Variants in MUSK observed in about 807,000 individuals in gnomAD.
MUSK encodes the protein muscle associated receptor tyrosine kinase, also known as muscle, skeletal receptor tyrosine-protein kinase.
A neutral mutation model predicts 88.7 loss-of-function variants in MUSK; 55 were observed. That is an observed-to-expected ratio of 0.62 (90% CI 0.50 to 0.78). The LOEUF (loss-of-function observed/expected upper bound fraction) is 0.78. MUSK is among the 30% of genes least tolerant of loss of function. MUSK has a pLI of 0.00. For missense variants in MUSK, 1,015 were observed against 1,074.3 expected (o/e 0.94, Z 0.77); for synonymous variants, 387 against 391.9 (o/e 0.99, Z 0.15).
chr9:110,750,794 C>T (rs1026907202), intron 7 of MUSK, among the ~76,000 whole-genome samples: 11 of 152,186 alleles, frequency 7.2e-5, no homozygotes, highest in Non-Finnish European at 1.3e-4. Context: ...GGGTGTTTTA[C>T]TTATAGCATC....
In MUSK at chr9:110,781,311, C is replaced by G. The variant is rs756265694; in HGVS notation, c.1385-3504C>G. 1.5e-4 allele frequency among the ~76,000 whole-genome samples: 23 copies of G among 151,836 alleles called. 1 individual carries two copies. The highest frequency in any genetic ancestry group is 2.1e-4 in the South Asian group (1 of 4,830). ...GTTTTGTTTGAGACGGAGTCTCACT[C>G]TGTCGCCCAGGCTGGAGTGCAGTGG... On this transcript the variant is annotated intron_variant, in intron 11 of 14. Coordinates refer to ENST00000374448, the MANE Select transcript of MUSK (RefSeq NM_005592.4).
intron 9 of MUSK, among the ~76,000 whole-genome samples, chr9:110,771,161 C>CTTTTTTTTT (rs34185224): frequency 3.0e-4 from 29 of 96,434 alleles, no homozygotes; most frequent in South Asian, 8.0e-4. Context: ...TCATTTCCTT[C>CTTTTTTTTT]TTTTTTTTTT....
rs200787064 is a variant in MUSK at position 110,785,633 on chromosome 9, T to A, written c.1693T>A (p.Leu565Met). 8 of 1,613,190 alleles carry A rather than the reference T, an allele frequency of 5.0e-6. No individual in the cohort carries two copies. Among genetic ancestry groups the A allele is most frequent in the Non-Finnish European group, 6.8e-6 (8 of 1,179,624 alleles). ...QRMPLLLNPK[L>M]LSLEYPRNNI... ...GATGCCGCTCCTTCTGAACCCCAAATTGCTCAGCCTGGAGTATCCAAGGAA... is the reference window on the plus strand; with the variant it reads ...GATGCCGCTCCTTCTGAACCCCAAAATGCTCAGCCTGGAGTATCCAAGGAA... Residue 565 changes from leucine to methionine, a missense_variant, in exon 13 of 15, where the codon TTG becomes ATG. Coordinates refer to ENST00000374448, the MANE Select transcript of MUSK (RefSeq NM_005592.4).
At chr9:110,759,598 A>G (rs1390855819) in intron 7 of MUSK, among the ~76,000 whole-genome samples, 1 of 152,236 alleles carries the variant, frequency 6.6e-6, no homozygotes, top group African/African-American at 2.4e-5. Context: ...ATATTTCAGA[A>G]TCTACAGGGA....
At chr9:110,673,209 C>G (rs2075982883) in intron 1 of MUSK, among the ~76,000 whole-genome samples, 2 of 152,170 alleles carry the variant, frequency 1.3e-5, no homozygotes, top group Non-Finnish European at 2.9e-5. Context: ...TACATCTTCT[C>G]TTATCCATCT....
chr9:110,696,864 G>T (rs2131718689), intron 4 of MUSK, among the ~76,000 whole-genome samples: 1 of 151,800 alleles, frequency 6.6e-6, no homozygotes, highest in South Asian at 2.1e-4. Context: ...CTGTATAGTG[G>T]CCAAGTCTGA....
chr9:110,759,511 G>C (rs1435688432), intron 7 of MUSK, among the ~76,000 whole-genome samples: 3 of 152,100 alleles, frequency 2.0e-5, no homozygotes, highest in African/African-American at 7.2e-5. Flanking sequence ...CATAGCAAAA[G>C]AAACTATCAA....
intron 11 of MUSK, among the ~76,000 whole-genome samples, 181 bp downstream of exon 11, chr9:110,776,836 C>T (rs369879363): frequency 4.6e-5 from 7 of 152,248 alleles, no homozygotes; most frequent in African/African-American, 1.7e-4. Flanking sequence ...CAGTTTATAA[C>T]TTTTAATTAG....
intron 5 of MUSK, among the ~76,000 whole-genome samples, chr9:110,707,307 T>G (rs957083185): frequency 6.6e-6 from 1 of 152,210 alleles, no homozygotes; most frequent in African/African-American, 2.4e-5. Flanking sequence ...ATAAGATTTT[T>G]TAAACATTGC....
rs2077664903 is a variant in MUSK at position 110,775,946 on chromosome 9, C to T, written c.1343C>T (p.Ala448Val). The change falls in exon 10 of 15, where the codon GCC (alanine) becomes GTC (valine). Residue 448 changes from alanine to valine, a missense_variant. Ala to Val is a moderately conservative substitution (Grantham distance 64). Coordinates refer to ENST00000374448, the MANE Select transcript of MUSK (RefSeq NM_005592.4). Reference protein sequence around the residue: ...PSMHWDPTACARLPHLDYNKE... With the variant: ...PSMHWDPTACVRLPHLDYNKE... ...ATGCATTGGGACCCCACGGCCTGTGCCAGACTGCCACATCTAGGTAACACA... is the reference window on the plus strand; with the variant it reads ...ATGCATTGGGACCCCACGGCCTGTGTCAGACTGCCACATCTAGGTAACACA... 2 of 1,612,824 alleles carry T rather than the reference C, an allele frequency of 1.2e-6. No homozygotes were observed. Among genetic ancestry groups the T allele is most frequent in the African/African-American group, 1.3e-5 (1 of 75,032 alleles).
intron 5 of MUSK, among the ~76,000 whole-genome samples, chr9:110,722,097 T>C (rs2076819770): frequency 6.6e-6 from 1 of 152,110 alleles, no homozygotes; most frequent in Non-Finnish European, 1.5e-5. Flanking sequence ...CAACTCAAGA[T>C]AGATCAAGGA....
intron 5 of MUSK, among the ~76,000 whole-genome samples, chr9:110,709,928 T>C (rs2076646915): frequency 6.6e-6 from 1 of 152,100 alleles, no homozygotes; most frequent in East Asian, 1.9e-4. Context: ...GAGGATTGCT[T>C]GAGGCCAGGA....
intron 5 of MUSK, among the ~76,000 whole-genome samples, chr9:110,726,188 A>G (rs7036527): frequency 0.38 from 57,620 of 151,814 alleles, 11,484 homozygotes; most frequent in Non-Finnish European, 0.44. Flanking sequence ...TCTATAACTG[A>G]AACTATAATT....
intron 12 of MUSK, 50 bp from the exon 13 acceptor site, chr9:110,785,477 A>C (rs781765747): frequency 4.1e-6 from 6 of 1,460,772 alleles, no homozygotes; most frequent in Non-Finnish European, 5.5e-6. Context: ...AAGTACAAAG[A>C]TCTAACCTGC....
chr9:110,787,211 A>T (rs957866087), intron 13 of MUSK, among the ~76,000 whole-genome samples: 1 of 151,812 alleles, frequency 6.6e-6, no homozygotes. Context: ...AAATACAAAA[A>T]ATTAGCCAGG....
In MUSK at chr9:110,784,831, G is replaced by T. The variant is rs761610023; in HGVS notation, c.1401G>T (p.Thr467=). 4.5e-5 allele frequency: 72 copies of T among 1,610,164 alleles called. No homozygotes were observed. The highest frequency in any genetic ancestry group is 6.0e-5 in the Non-Finnish European group (71 of 1,177,996). ...KENLKTFPPM[T]SSKPSVDIPN... is the part of the protein sequence containing the mutation. ...TACTTACAGCATTCCCACCAATGACGTCCTCAAAGCCAAGTGTGGACATTC... is the reference window on the plus strand; with the variant it reads ...TACTTACAGCATTCCCACCAATGACTTCCTCAAAGCCAAGTGTGGACATTC... Residue 467 remains threonine (T), a synonymous_variant, in exon 12 of 15, where the codon ACG becomes ACT. Transcript: ENST00000374448.
intron 3 of MUSK, 120 bp from the exon 4 acceptor site, chr9:110,695,283 A>T: frequency 1.4e-6 from 1 of 695,402 alleles, no homozygotes; most frequent in Non-Finnish European, 2.2e-6. Context: ...TGAATTTTGT[A>T]ATGTAACATG....
At chr9:110,776,266 A>C (rs1039777067) in intron 10 of MUSK, among the ~76,000 whole-genome samples, 10 of 152,238 alleles carry the variant, frequency 6.6e-5, no homozygotes, top group African/African-American at 2.4e-4. Context: ...GAGTGTGTAG[A>C]AAAATGGCTA....
rs578430 is a variant in MUSK, at chr9:110,800,863, G to A, written c.2485G>A (p.Val829Met). Residue 829 changes from valine (V) to methionine (M), a missense_variant, in exon 15 of 15, where the codon GTG (valine) becomes ATG (methionine). Val to Met is a conservative substitution (Grantham distance 21). Coordinates refer to ENST00000374448, the MANE Select transcript of MUSK (RefSeq NM_005592.4). Reference sequence around the variant, plus strand: ...CCTCTCCTGCCCTGAGAACTGCCCCGTGGAGCTGTACAATCTCATGCGTCT... The same window carrying A: ...CCTCTCCTGCCCTGAGAACTGCCCCATGGAGCTGTACAATCTCATGCGTCT... ...NILSCPENCP[V>M]ELYNLMRLCW... The A allele has an allele frequency of 2.9e-5, 46 of 1,600,620 alleles. No homozygotes were observed. Among genetic ancestry groups the A allele is most frequent in the Middle Eastern group, 1.7e-4 (1 of 6,020 alleles).
Sources: allele counts gnomAD v4.1 joint callset (sites outside exome capture counted in the v4.1 genomes callset), GRCh38; gene constraint gnomAD v4.1.1; transcripts MANE v1.5; gene names NCBI Gene and HGNC (gene_info 2026-07-23, HGNC 2026-07-21).